Variants in RBM34 observed in about 807,000 individuals in gnomAD.
RBM34 encodes the protein RNA-binding protein 34.
RBM34 carries 39 observed loss-of-function variants against 44.6 expected under a neutral mutation model. The observed-to-expected ratio is 0.87, with a 90% CI of 0.68 to 1.14. The LOEUF is 1.14. Ranked by LOEUF, RBM34 falls within the 50% of genes most tolerant of loss-of-function variation. The pLI, the probability that RBM34 is intolerant of heterozygous loss-of-function variation, is 0.00. For synonymous variants in RBM34, 194 were observed against 184.0 expected, an observed-to-expected ratio of 1.05 and a Z score of -0.44; for missense variants, 572 against 517.9, an observed-to-expected ratio of 1.10 and a Z score of -1.01.
At chr1:235,135,619 G>A (rs201317907) in intron 10 of RBM34, 33 bp downstream of exon 10, 71 of 1,551,832 alleles carry the variant, frequency 4.6e-5, no homozygotes, top group Non-Finnish European at 6.1e-5. Flanking sequence ...AGGGCACTTC[G>A]AAGGACAGTG....
In RBM34 at chr1:235,156,537, A is replaced by C. The variant is rs937912631; in HGVS notation, c.366-1425T>G. The C allele has an allele frequency of 2.0e-5, 8 of 402,068 alleles. No homozygotes were observed. In the Admixed American group the frequency reaches 2.1e-4, roughly 11 times the overall value. 24.9% of individuals were successfully genotyped at this position (402,068 alleles called of 1,614,324 possible). A position where few individuals can be genotyped will look rare whatever the true frequency, so the allele number is the denominator to read the frequency against. On this transcript the variant is annotated intron_variant, in intron 3 of 10. Transcript: ENST00000408888. ...TTACTCTGTACAAGCAATATGGCTG[A>C]TAGGAAAAACCAGATTCCCTACTTC...
Position 235,160,578 on chromosome 1 carries a change from G to C in RBM34, c.298C>G (p.Gln100Glu). ...GCTTTCACTTTTTTGGCAGGTTCTT[G>C]CGAAAGTGGTCTTTCAATCTGGGAT... ...STSQIERPLS[Q>E]EPAKKVKAKK... Residue 100 changes from glutamine (Q) to glutamate (E), a missense_variant, in exon 3 of 11, where the codon CAA becomes GAA. Transcript: ENST00000408888. 2 of 1,613,984 alleles carry C rather than the reference G, an allele frequency of 1.2e-6. No individual in the cohort carries two copies. The highest frequency in any genetic ancestry group is 2.2e-5 in the East Asian group (1 of 44,874).
intron 5 of RBM34, among the ~76,000 whole-genome samples, chr1:235,150,932 G>A (rs1355050941): frequency 6.6e-6 from 1 of 152,170 alleles, no homozygotes; most frequent in Non-Finnish European, 1.5e-5. Flanking sequence ...GTGTGTGTGT[G>A]GCGGCTGGGG....
chr1:235,157,255 T>C (rs1176069412), intron 3 of RBM34, among the ~76,000 whole-genome samples: 1 of 152,158 alleles, frequency 6.6e-6, no homozygotes, highest in African/African-American at 2.4e-5. Flanking sequence ...CAACAGTGTG[T>C]ATCTGAGAAG....
chr1:235,149,163 C>T (rs1187014757), intron 5 of RBM34, among the ~76,000 whole-genome samples: 10 of 151,460 alleles, frequency 6.6e-5, no homozygotes, highest in Non-Finnish European at 1.3e-4. Flanking sequence ...CCAAGGCGGG[C>T]GGATCACGAG....
chr1:235,150,963 C>T (rs1317313685), intron 5 of RBM34, among the ~76,000 whole-genome samples: 1 of 151,960 alleles, frequency 6.6e-6, no homozygotes, highest in African/African-American at 2.4e-5. Flanking sequence ...AAGGGCGTTT[C>T]ATTAATGCAA....
At chr1:235,160,330 G>T in intron 3 of RBM34, 181 bp downstream of exon 3, 1 of 774,902 alleles carries the variant, frequency 1.3e-6, no homozygotes, top group Non-Finnish European at 2.2e-6. Context: ...ATTAGTAATT[G>T]CTGATGCTGA....
At chr1:235,137,768 CTG>C in intron 8 of RBM34, 107 bp downstream of exon 8, 2 of 812,530 alleles carry the variant, frequency 2.5e-6, no homozygotes, top group Non-Finnish European at 3.9e-6. Flanking sequence ...CTGTTTCCTT[CTG>C]CGCTTCCCTC....
intron 6 of RBM34, among the ~76,000 whole-genome samples, chr1:235,140,162 C>G (rs921177339): frequency 1.3e-5 from 2 of 152,262 alleles, no homozygotes; most frequent in Admixed American, 6.5e-5. Context: ...CGCACCTCCT[C>G]TGCCTGGGCT....
chr1:235,155,827 A>G (rs1337933942), intron 3 of RBM34, among the ~76,000 whole-genome samples: 3 of 12,864 alleles, frequency 2.3e-4, no homozygotes, highest in Non-Finnish European at 3.7e-4. Context: ...ATATACATAT[A>G]TATATATATA....
At position 235,154,953 on chromosome 1, in the gene RBM34, GTTGAT is replaced by G; in HGVS notation, c.520_524del (p.Ile174ProfsTer9). ...CATTCTTTAATCTCTCTTCTTCTTGGTTGATTTGAATTTTCTTTCTTTGACTGACA... is the reference window on the plus strand; with the variant it reads ...CATTCTTTAATCTCTCTTCTTCTTGGTTGAATTTTCTTTCTTTGACTGACA... On this transcript the variant is annotated frameshift_variant, in exon 4 of 11. Transcript: ENST00000408888. LOFTEE classifies it high-confidence loss of function. 3 of 1,613,958 alleles carry G rather than the reference GTTGAT, an allele frequency of 1.9e-6. No individual in the cohort carries two copies. Among genetic ancestry groups the G allele is most frequent in the South Asian group, 1.1e-5 (1 of 91,074 alleles).
intron 6 of RBM34, among the ~76,000 whole-genome samples, chr1:235,143,541 G>A (rs1426608874): frequency 1.3e-5 from 2 of 152,282 alleles, no homozygotes; most frequent in Non-Finnish European, 2.9e-5. Flanking sequence ...TTTTAGACCA[G>A]CCTGGCCAAC....
At chr1:235,143,195 T>A (rs1359451787) in intron 6 of RBM34, among the ~76,000 whole-genome samples, 1 of 152,194 alleles carries the variant, frequency 6.6e-6, no homozygotes, top group Non-Finnish European at 1.5e-5. Flanking sequence ...ATGTCTAAAA[T>A]TAAATGACAA....
At chr1:235,160,677 A>G (rs751346693) in intron 2 of RBM34, 30 bp from the exon 3 acceptor site, 1 of 1,599,108 alleles carries the variant, frequency 6.3e-7, no homozygotes, top group Non-Finnish European at 8.5e-7. Flanking sequence ...TATATTTGAG[A>G]CCCCATACTT....
chr1:235,145,422 G>A (rs1375621787), intron 6 of RBM34, among the ~76,000 whole-genome samples: 1 of 151,646 alleles, frequency 6.6e-6, no homozygotes, highest in Admixed American at 6.6e-5. Flanking sequence ...GACTACAGGC[G>A]TGCACCACCT....
chr1:235,149,781 C>G (rs549526919), intron 5 of RBM34, among the ~76,000 whole-genome samples: 4 of 152,290 alleles, frequency 2.6e-5, no homozygotes, highest in Non-Finnish European at 4.4e-5. Context: ...AGTTCACAAT[C>G]TAGAACATAA....
At chr1:235,159,694 ACT>A (rs894995913) in intron 3 of RBM34, among the ~76,000 whole-genome samples, 1 of 151,278 alleles carries the variant, frequency 6.6e-6, no homozygotes, top group East Asian at 1.9e-4. Flanking sequence ...ACATGATGAA[ACT>A]CTGTCTCTAC....
intron 6 of RBM34, among the ~76,000 whole-genome samples, chr1:235,147,895 G>A (rs1661972000): frequency 6.6e-6 from 1 of 151,984 alleles, no homozygotes; most frequent in African/African-American, 2.4e-5. Flanking sequence ...ATATGGAAGG[G>A]CGAACAAGGA....
In RBM34 at chr1:235,131,560, A is replaced by C; in HGVS notation, c.*153T>G. 1 of 874,668 alleles carries C rather than the reference A, an allele frequency of 1.1e-6. No individual in the cohort carries two copies. Among genetic ancestry groups the C allele is most frequent in the Non-Finnish European group, 1.7e-6 (1 of 582,520 alleles). 54.2% of individuals were successfully genotyped at this position (874,668 alleles called of 1,614,324 possible). The stretch of plus-strand genomic sequence containing the variant: ...CTTCAAAGGTAGTATCACAATGTGA[A>C]TAAACTGAGAATGTGGAAGTCTCCA... On this transcript the variant is annotated 3_prime_UTR_variant, in exon 11 of 11. Coordinates refer to ENST00000408888, the MANE Select transcript of RBM34 (RefSeq NM_015014.4).
Sources: allele counts gnomAD v4.1 joint callset (sites outside exome capture counted in the v4.1 genomes callset), GRCh38; gene constraint gnomAD v4.1.1; transcripts MANE v1.5; gene names NCBI Gene and HGNC (gene_info 2026-07-23, HGNC 2026-07-21).